The following CCBE1 variants were observed in gnomAD, a reference collection of about 807,000 sequenced individuals.
The protein encoded by CCBE1 is collagen and calcium-binding EGF domain-containing protein 1.
CCBE1 carries 37 observed loss-of-function variants against 50.0 expected under a neutral mutation model. The ratio of observed to expected loss-of-function variants is 0.74; its 90% CI spans 0.57 to 0.97. The LOEUF (loss-of-function observed/expected upper bound fraction) is 0.97, where lower values mean the gene tolerates loss of function less well. Ranked by LOEUF, CCBE1 falls within the 50% of genes least tolerant of loss-of-function variation. CCBE1 has a pLI of 0.00. For missense variants in CCBE1, 538 were observed against 523.8 expected (o/e 1.03, Z -0.26); for synonymous variants, 234 against 203.7 (o/e 1.15, Z -1.27).
At position 59,647,963 on chromosome 18, in the gene CCBE1, C is replaced by A. The variant is rs188082641; in HGVS notation, c.212+48666G>T. ...CAAAATATTGGGAGTTTTGCATATA[C>A]TGTCTTCTCCAGTCTATCTCAGAGA... On this transcript the variant is annotated intron_variant, in intron 2 of 10. Coordinates refer to ENST00000439986, the MANE Select transcript of CCBE1 (RefSeq NM_133459.4). Among the ~76,000 whole-genome samples the A allele has an allele frequency of 1.3e-3, 197 of 152,240 alleles. 2 individuals are homozygous for A. The highest frequency in any genetic ancestry group is 4.6e-3 in the African/African-American group (189 of 41,532).
chr18:59,510,945 C>T (rs1914106010), intron 2 of CCBE1, among the ~76,000 whole-genome samples: 1 of 152,144 alleles, frequency 6.6e-6, no homozygotes, highest in East Asian at 1.9e-4. Flanking sequence ...TCCTTTATAC[C>T]ATCAGGAGCA....
At chr18:59,528,396 C>A (rs762945628) in intron 2 of CCBE1, among the ~76,000 whole-genome samples, 3 of 152,206 alleles carry the variant, frequency 2.0e-5, no homozygotes, top group Non-Finnish European at 4.4e-5. Context: ...AGCTTCTTTG[C>A]ATTGGGTTAG....
chr18:59,449,082 G>C (rs1910812665), intron 6 of CCBE1, among the ~76,000 whole-genome samples: 1 of 152,166 alleles, frequency 6.6e-6, no homozygotes, highest in Admixed American at 6.5e-5. Context: ...TTTATCATCT[G>C]CTTCCAACTA....
intron 2 of CCBE1, among the ~76,000 whole-genome samples, chr18:59,613,243 G>C (rs765412191): frequency 1.3e-5 from 2 of 152,100 alleles, no homozygotes; most frequent in Non-Finnish European, 2.9e-5. Flanking sequence ...CAGAACACAG[G>C]AATCATTTTG....
At chr18:59,676,169 G>A (rs573725778) in intron 2 of CCBE1, among the ~76,000 whole-genome samples, 29 of 152,332 alleles carry the variant, frequency 1.9e-4, no homozygotes, top group Middle Eastern at 6.8e-3. Context: ...CAAGTTCACC[G>A]TGTCTATTAT....
chr18:59,590,308 C>A (rs989981537), intron 2 of CCBE1, among the ~76,000 whole-genome samples: 1 of 151,966 alleles, frequency 6.6e-6, no homozygotes, highest in African/African-American at 2.4e-5. Flanking sequence ...AGATAAAATG[C>A]TCAGAAAAAA....
intron 2 of CCBE1, among the ~76,000 whole-genome samples, chr18:59,538,550 T>C (rs1915341468): frequency 6.6e-6 from 1 of 152,128 alleles, no homozygotes; most frequent in African/African-American, 2.4e-5. Context: ...GGCATTGAAA[T>C]ATATGTATTT....
chr18:59,597,809 C>T (rs898314631), intron 2 of CCBE1, among the ~76,000 whole-genome samples: 2 of 152,108 alleles, frequency 1.3e-5, no homozygotes, highest in African/African-American at 4.8e-5. Context: ...TATTACCATC[C>T]AGATAACTGA....
chr18:59,449,926 T>C (rs1910853621), intron 6 of CCBE1, among the ~76,000 whole-genome samples: 1 of 152,260 alleles, frequency 6.6e-6, no homozygotes, highest in South Asian at 2.1e-4. Context: ...GACCTCCTGC[T>C]GGGTGGCTGC....
At chr18:59,467,286 A>G (rs1013360023) in intron 4 of CCBE1, among the ~76,000 whole-genome samples, 2 of 152,172 alleles carry the variant, frequency 1.3e-5, no homozygotes, top group Admixed American at 6.5e-5. Context: ...CATTATAGAG[A>G]TGATTTTTTG....
chr18:59,496,141 A>C (rs140194974), intron 2 of CCBE1, among the ~76,000 whole-genome samples: 1 of 152,278 alleles, frequency 6.6e-6, no homozygotes, highest in South Asian at 2.1e-4. Flanking sequence ...ATCCCTGACA[A>C]TTACAGCTTC....
chr18:59,583,253 C>T (rs2053112817), intron 2 of CCBE1, among the ~76,000 whole-genome samples: 1 of 134,686 alleles, frequency 7.4e-6, no homozygotes, highest in Admixed American at 7.9e-5. Context: ...TGTAAGCCCA[C>T]AGAAAAAAAC....
At chr18:59,545,542 C>A (rs1915647833) in intron 2 of CCBE1, among the ~76,000 whole-genome samples, 1 of 152,190 alleles carries the variant, frequency 6.6e-6, no homozygotes, top group African/African-American at 2.4e-5. Flanking sequence ...ATAGATTTAT[C>A]ATTTACCCAT....
chr18:59,619,959 C>A (rs1051753791), intron 2 of CCBE1, among the ~76,000 whole-genome samples: 2 of 152,142 alleles, frequency 1.3e-5, no homozygotes, highest in African/African-American at 4.8e-5. Context: ...GAATTCACGG[C>A]AGAAAGCTGG....
chr18:59,547,290 T>G (rs1915744238), intron 2 of CCBE1, among the ~76,000 whole-genome samples: 2 of 151,740 alleles, frequency 1.3e-5, no homozygotes, highest in East Asian at 1.9e-4. Context: ...GTGGAAAAAA[T>G]AAGACAGAGC....
At chr18:59,541,876 T>A (rs919052274) in intron 2 of CCBE1, among the ~76,000 whole-genome samples, 29 of 148,956 alleles carry the variant, frequency 1.9e-4, no homozygotes, top group Admixed American at 6.7e-5. Flanking sequence ...TCTGCTTAAT[T>A]AAAAAAAAAA....
At chr18:59,477,701 G>C (rs1912379057) in intron 3 of CCBE1, among the ~76,000 whole-genome samples, 1 of 152,114 alleles carries the variant, frequency 6.6e-6, no homozygotes, top group African/African-American at 2.4e-5. Flanking sequence ...GCATATCAAG[G>C]AGATGCTGGA....
intron 2 of CCBE1, among the ~76,000 whole-genome samples, chr18:59,624,403 A>G (rs561721076): frequency 6.6e-6 from 1 of 152,378 alleles, no homozygotes; most frequent in East Asian, 1.9e-4. Flanking sequence ...GAGCATCAGT[A>G]CTGATACATG....
chr18:59,551,458 A>G (rs1425835648), intron 2 of CCBE1, among the ~76,000 whole-genome samples: 3 of 152,214 alleles, frequency 2.0e-5, no homozygotes, highest in African/African-American at 7.2e-5. Context: ...AACACTCTAC[A>G]CTTAGGCTGC....
Sources: gnomAD v4.1 joint callset for allele counts (sites outside exome capture counted in the v4.1 genomes callset) on GRCh38, gnomAD v4.1.1 for gene constraint, MANE v1.5 for transcripts, NCBI Gene and HGNC (gene_info 2026-07-23, HGNC 2026-07-21) for gene names.